The following GRK4 variants were observed in gnomAD, a reference collection of about 807,000 sequenced individuals.
GRK4 encodes G protein-coupled receptor kinase 4.
In GRK4, 73 loss-of-function variants were observed where a neutral mutation model predicts 77.9. The ratio of observed to expected loss-of-function variants is 0.94; its 90% CI spans 0.78 to 1.14. The LOEUF (loss-of-function observed/expected upper bound fraction) is 1.14, where lower values mean the gene tolerates loss of function less well. Among genes scored for constraint, GRK4 ranks in the 50% most tolerant of loss-of-function variants. The pLI is 0.00. For missense variants in GRK4, 729 were observed against 700.2 expected (o/e 1.04, Z -0.46); for synonymous variants, 257 against 254.4 (o/e 1.01, Z -0.10).
chr4:2,986,645 C>T lies in GRK4; in HGVS notation c.148+2037C>T, dbSNP rs781214479. On this transcript the variant is annotated intron_variant, in intron 2 of 15. Coordinates refer to ENST00000398052, the MANE Select transcript of GRK4 (RefSeq NM_182982.3). ...CTGGGATTACAGACCTGAGCCACCG[C>T]GCCTGGCCCTCAGTGTCTTTTTTTC... is the stretch of plus-strand genomic sequence containing the variant. Among the ~76,000 whole-genome samples the T allele has an allele frequency of 6.6e-4, 100 of 152,026 alleles. 1 individual carries two copies. The highest frequency in any genetic ancestry group is 2.0e-3 in the African/African-American group (81 of 41,472).
At chr4:3,002,830 A>C (rs1439013529) in intron 4 of GRK4, among the ~76,000 whole-genome samples, 1 of 152,310 alleles carries the variant, frequency 6.6e-6, no homozygotes, top group African/African-American at 2.4e-5. Context: ...CTCCAAAAAA[A>C]CCACAAAACT....
rs1426238825 is a variant in GRK4, at chr4:3,011,494, C to CT, written c.600+1788dup. On this transcript the variant is annotated intron_variant, in intron 7 of 15. Transcript: ENST00000398052. Reference sequence around the variant, plus strand: ...AGTATAATTATGATTGTATAGATTACTTTTTAACAGATTTACTTGGGTTCC... The same window carrying CT: ...AGTATAATTATGATTGTATAGATTACTTTTTTAACAGATTTACTTGGGTTCC... Among the ~76,000 whole-genome samples the CT allele has an allele frequency of 2.0e-5, 3 of 152,270 alleles. No homozygotes were observed. In the East Asian group the frequency reaches 5.8e-4, roughly 29 times the overall value.
rs1002321406 is a variant in GRK4 at position 3,022,426 on chromosome 4, T to C, written c.945T>C (p.Pro315=). 3.2e-5 allele frequency: 51 copies of C among 1,613,820 alleles called. No homozygotes were observed. The highest frequency in any genetic ancestry group is 4.3e-5 in the Non-Finnish European group (51 of 1,179,936). ...TTGTTTCTTGTAGAGACTTGAAGCC[T>C]GAGAATATTCTCCTTGATGATCGTG... ...RERIVYRDLK[P]ENILLDDRGH... The change falls in exon 10 of 16, where the codon CCT becomes CCC. Residue 315 remains proline, a synonymous_variant. Transcript: ENST00000398052.
At chr4:3,027,621 A>C (rs1273025023) in intron 10 of GRK4, among the ~76,000 whole-genome samples, 1 of 152,226 alleles carries the variant, frequency 6.6e-6, no homozygotes, top group Non-Finnish European at 1.5e-5. Context: ...TGTATGACAT[A>C]AAATAATAAA....
At chr4:2,985,252 T>C (rs371140852) in intron 2 of GRK4, among the ~76,000 whole-genome samples, 52 of 151,756 alleles carry the variant, frequency 3.4e-4, no homozygotes, top group African/African-American at 1.2e-3. Context: ...TACAAAAAAA[T>C]TAGCTGGGTG....
At chr4:3,029,132 A>G (rs1355942409) in intron 11 of GRK4, 69 bp from the exon 12 acceptor site, 5 of 1,207,720 alleles carry the variant, frequency 4.1e-6, no homozygotes, top group Admixed American at 3.7e-5. Context: ...ATACTGTGTT[A>G]CTGGGAATTA....
intron 4 of GRK4, among the ~76,000 whole-genome samples, chr4:2,995,143 A>G (rs568300347): frequency 1.3e-5 from 2 of 152,298 alleles, no homozygotes; most frequent in Non-Finnish European, 2.9e-5. Context: ...ATAGTATTCC[A>G]TAGTGTATAT....
intron 12 of GRK4, among the ~76,000 whole-genome samples, chr4:3,029,823 C>T (rs963771711): frequency 6.6e-6 from 1 of 152,228 alleles, no homozygotes; most frequent in South Asian, 2.1e-4. Flanking sequence ...CCTCCTTCCC[C>T]ATGCTCCTGC....
chr4:3,000,103 A>G (rs1729089267), intron 4 of GRK4, among the ~76,000 whole-genome samples: 1 of 152,178 alleles, frequency 6.6e-6, no homozygotes, highest in Non-Finnish European at 1.5e-5. Context: ...GTCATTTGGT[A>G]AATTTGCCCT....
Position 3,037,516 on chromosome 4 carries a change from TG to T in GRK4, c.1545+6del. 1 of 1,599,092 alleles carries T rather than the reference TG, an allele frequency of 6.3e-7. No individual in the cohort carries two copies. Among genetic ancestry groups the T allele is most frequent in the Non-Finnish European group, 8.6e-7 (1 of 1,167,768 alleles). The stretch of plus-strand genomic sequence containing the variant: ...TCCATCCCCTGGCAGAATGAGGTAC[TG>T]CCCTTCCAGCACAGCCGCTTTACGT... On this transcript the variant is annotated splice_donor_region_variant and intron_variant, in intron 14 of 15. Coordinates refer to ENST00000398052, the MANE Select transcript of GRK4 (RefSeq NM_182982.3).
chr4:3,011,738 C>G (rs1301551389), intron 7 of GRK4, among the ~76,000 whole-genome samples: 1 of 152,238 alleles, frequency 6.6e-6, no homozygotes, highest in South Asian at 2.1e-4. Context: ...CAAGTGCTAG[C>G]ACTTCCTCCA....
intron 9 of GRK4, among the ~76,000 whole-genome samples, chr4:3,020,910 T>G (rs1735901117): frequency 2.6e-5 from 4 of 152,240 alleles, no homozygotes; most frequent in Admixed American, 2.6e-4. Context: ...ATGATTTACT[T>G]ATCATTTACA....
intron 1 of GRK4, among the ~76,000 whole-genome samples, chr4:2,968,051 A>G (rs1412795057): frequency 6.6e-6 from 1 of 150,452 alleles, no homozygotes; most frequent in Non-Finnish European, 1.5e-5. Flanking sequence ...TCAGCCTCCC[A>G]AAGTACTGGG....
At chr4:2,973,203 C>T (rs760154354) in intron 1 of GRK4, among the ~76,000 whole-genome samples, 80 of 152,240 alleles carry the variant, frequency 5.3e-4, no homozygotes, top group Admixed American at 1.5e-3. Context: ...TGCTTTCTTC[C>T]GTGAGCGTGT....
chr4:3,026,230 C>A (rs748380249), intron 10 of GRK4, among the ~76,000 whole-genome samples: 34 of 152,330 alleles, frequency 2.2e-4, no homozygotes, highest in Admixed American at 4.6e-4. Context: ...CAGCAGTGCA[C>A]GAGAGCACCT....
At position 3,003,998 on chromosome 4, in the gene GRK4, C is replaced by T. The variant is rs141583735; in HGVS notation, c.340-233C>T. ...CCTCCCAAAGTGCTGGGATTACAGG[C>T]GTGTGCCGTTGCATCTGGCCCTGTG... On this transcript the variant is annotated intron_variant, in intron 4 of 15. Transcript: ENST00000398052. Among the ~76,000 whole-genome samples the T allele has an allele frequency of 1.1e-3, 171 of 152,326 alleles. 1 individual carries two copies. Among genetic ancestry groups the T allele is most frequent in the African/African-American group, 3.7e-3 (155 of 41,578 alleles).
rs768368658 is a variant in GRK4, at chr4:3,007,776, T to A, written c.484T>A (p.Tyr162Asn). 6.2e-7 allele frequency: 1 copy of A among 1,611,796 alleles called. No individual in the cohort carries two copies. The highest frequency in any genetic ancestry group is 1.3e-5 in the African/African-American group (1 of 74,896). The change falls in exon 6 of 16, where the codon TAC becomes AAC. Residue 162 changes from tyrosine to asparagine, a missense_variant. Tyr to Asn is a moderately radical substitution (Grantham distance 143, BLOSUM62 -2). Transcript: ENST00000398052. ...CCTAAGAGGGGAACCATTTGAAGAA[T>A]ACCAAGAAAGCTCATATTTTTCTCA... ...NYLRGEPFEE[Y>N]QESSYFSQFL...
intron 7 of GRK4, among the ~76,000 whole-genome samples, chr4:3,010,193 A>G (rs1340425481): frequency 6.6e-6 from 1 of 152,048 alleles, no homozygotes; most frequent in Non-Finnish European, 1.5e-5. Context: ...GAAATGACTC[A>G]CAGACTCACG....
At chr4:3,019,139 G>C (rs189193215) in intron 8 of GRK4, among the ~76,000 whole-genome samples, 1 of 152,048 alleles carries the variant, frequency 6.6e-6, no homozygotes, top group Non-Finnish European at 1.5e-5. Context: ...TTATATGAAA[G>C]GGTCCCCTAT....
Sources: gnomAD v4.1 joint callset for allele counts (sites outside exome capture counted in the v4.1 genomes callset) on GRCh38, gnomAD v4.1.1 for gene constraint, MANE v1.5 for transcripts, NCBI Gene and HGNC (gene_info 2026-07-23, HGNC 2026-07-21) for gene names.